Variants in ZNF678 observed in about 807,000 individuals in gnomAD.
ZNF678 encodes hypothetical protein MGC42493.
ZNF678 carries 5 observed loss-of-function variants against 3.0 expected under a neutral mutation model. That is an observed-to-expected ratio of 1.69 (90% CI 0.88 to 3.56). ZNF678 has a LOEUF of 3.56. Among genes scored for constraint, ZNF678 ranks in the 30% most tolerant of loss-of-function variants. The pLI, the probability that ZNF678 is intolerant of heterozygous loss-of-function variation, is 0.00. For missense variants in ZNF678, 593 were observed against 605.0 expected (o/e 0.98, Z 0.21); for synonymous variants, 218 against 199.6 (o/e 1.09, Z -0.78).
chr1:227,586,299 G>T (rs534205217), intron 1 of ZNF678, among the ~76,000 whole-genome samples: 2 of 152,288 alleles, frequency 1.3e-5, no homozygotes, highest in African/African-American at 4.8e-5. Flanking sequence ...ACTGTCTTAG[G>T]AAGCACAGAC....
At chr1:227,674,241 G>A (rs1052068341) in intron 5 of ZNF678, among the ~76,000 whole-genome samples, 1 of 152,208 alleles carries the variant, frequency 6.6e-6, no homozygotes, top group African/African-American at 2.4e-5. Flanking sequence ...TAATTGATAC[G>A]TAAGTAGAGT....
chr1:227,654,721 A>G lies in ZNF678; in HGVS notation c.471A>G (p.Glu157=). ...GAGAGAAACCCTACAAATGTGACGA[A>G]TGTGGCAAAGTTTTTAATTGGTGGT... The part of the protein sequence containing the change: ...HTGEKPYKCD[E]CGKVFNWWSQ... Residue 157 remains glutamate (E), a synonymous_variant, in exon 4 of 4, where the codon GAA becomes GAG. Coordinates refer to ENST00000343776, the MANE Select transcript of ZNF678 (RefSeq NM_001367909.1). 1 of 1,613,232 alleles carries G rather than the reference A, an allele frequency of 6.2e-7. No homozygotes were observed. Among genetic ancestry groups the G allele is most frequent in the Non-Finnish European group, 8.5e-7 (1 of 1,179,418 alleles).
At chr1:227,673,009 T>G (rs1659626057) in intron 5 of ZNF678, among the ~76,000 whole-genome samples, 1 of 152,188 alleles carries the variant, frequency 6.6e-6, no homozygotes, top group Non-Finnish European at 1.5e-5. Flanking sequence ...TCAACTCTTC[T>G]TCCTGCAAGG....
intron 1 of ZNF678, among the ~76,000 whole-genome samples, chr1:227,565,668 C>G (rs1220393737): frequency 1.3e-5 from 2 of 152,236 alleles, no homozygotes; most frequent in African/African-American, 4.8e-5. Context: ...TGCCACTCTG[C>G]TTTTTATCTT....
At chr1:227,662,880 T>G (rs1172904470), downstream of ZNF678, among the ~76,000 whole-genome samples, 3 of 152,220 alleles carry the variant, frequency 2.0e-5, no homozygotes, top group African/African-American at 7.2e-5. Flanking sequence ...TACTATATAT[T>G]ATGGGCTGAA....
chr1:227,591,679 C>T (rs1282712654), intron 1 of ZNF678, among the ~76,000 whole-genome samples: 1 of 152,132 alleles, frequency 6.6e-6, no homozygotes, highest in East Asian at 1.9e-4. Flanking sequence ...TGGGTCATAA[C>T]ACACATCAGG....
At chr1:227,579,696 C>T (rs1231559257) in intron 1 of ZNF678, among the ~76,000 whole-genome samples, 3 of 152,074 alleles carry the variant, frequency 2.0e-5, no homozygotes, top group Non-Finnish European at 4.4e-5. Context: ...AGTGTGGGCC[C>T]CCAGGACACC....
chr1:227,669,574 G>A (rs919635831), intron 5 of ZNF678, among the ~76,000 whole-genome samples: 13 of 151,896 alleles, frequency 8.6e-5, no homozygotes, highest in Non-Finnish European at 1.8e-4. Flanking sequence ...GCGGGAACCC[G>A]GGAGGCGGAG....
chr1:227,598,187 A>G (rs1657643432), intron 1 of ZNF678, among the ~76,000 whole-genome samples: 1 of 152,222 alleles, frequency 6.6e-6, no homozygotes, highest in African/African-American at 2.4e-5. Context: ...GTCTGACTGC[A>G]GAGTATTATC....
chr1:227,584,197 T>A (rs1657203030), intron 1 of ZNF678, among the ~76,000 whole-genome samples: 1 of 152,198 alleles, frequency 6.6e-6, no homozygotes, highest in Non-Finnish European at 1.5e-5. Flanking sequence ...AATTATTTGT[T>A]CATTTGTCAC....
At chr1:227,589,278 T>A (rs1380535012) in intron 1 of ZNF678, among the ~76,000 whole-genome samples, 1 of 151,802 alleles carries the variant, frequency 6.6e-6, no homozygotes, top group Non-Finnish European at 1.5e-5. Context: ...TTTTGGGTTT[T>A]ACAAATGTAA....
chr1:227,599,747 T>C (rs901928398), intron 1 of ZNF678, among the ~76,000 whole-genome samples: 2 of 152,232 alleles, frequency 1.3e-5, no homozygotes, highest in African/African-American at 4.8e-5. Context: ...CGTACATGAA[T>C]GTTGCTTTAA....
chr1:227,667,330 C>T (rs1659520471), downstream of ZNF678, among the ~76,000 whole-genome samples: 1 of 152,108 alleles, frequency 6.6e-6, no homozygotes, highest in Admixed American at 6.5e-5. Flanking sequence ...GACACCACAC[C>T]CCACTGAGAA....
chr1:227,618,490 C>G (rs1658194733), intron 1 of ZNF678, among the ~76,000 whole-genome samples: 1 of 152,208 alleles, frequency 6.6e-6, no homozygotes, highest in African/African-American at 2.4e-5. Context: ...ATCTTATTTT[C>G]TCCCAGGCTG....
chr1:227,671,892 G>T (rs1422750151), intron 5 of ZNF678, among the ~76,000 whole-genome samples: 2 of 152,090 alleles, frequency 1.3e-5, no homozygotes, highest in African/African-American at 4.8e-5. Context: ...TTTTTAAAAT[G>T]TAAAAAAATA....
In ZNF678 at chr1:227,661,147, G is replaced by A. The variant is rs1405741090; in HGVS notation, c.*5319G>A. ...CCAGAAACTTTCAACTGCTTTGTTC[G>A]TTGAATAATGCCAAGTGTCTGGAAA... On this transcript the variant is annotated 3_prime_UTR_variant, in exon 4 of 4. Transcript: ENST00000343776. 4 of 152,098 alleles carry A rather than the reference G, an allele frequency of 2.6e-5. No individual in the cohort carries two copies. The highest frequency in any genetic ancestry group is 2.9e-5 in the Non-Finnish European group (2 of 68,022). The allele number at this position is 152,098 out of a possible 1,614,324, so 9.4% of individuals were successfully genotyped here.
chr1:227,671,415 C>A (rs1381104381), intron 5 of ZNF678, among the ~76,000 whole-genome samples: 1 of 152,110 alleles, frequency 6.6e-6, no homozygotes, highest in Non-Finnish European at 1.5e-5. Context: ...TTTCGTCAGA[C>A]TTATCCATGC....
intron 1 of ZNF678, among the ~76,000 whole-genome samples, chr1:227,630,005 A>G (rs916760102): frequency 2.0e-5 from 3 of 151,890 alleles, no homozygotes; most frequent in African/African-American, 7.3e-5. Context: ...TCTATTATAA[A>G]AAACTGAGTT....
At chr1:227,671,984 A>G (rs918032515) in intron 5 of ZNF678, among the ~76,000 whole-genome samples, 1 of 152,200 alleles carries the variant, frequency 6.6e-6, no homozygotes, top group Non-Finnish European at 1.5e-5. Context: ...ATCTTGAAGG[A>G]TGGGTAAGAT....
Sources: gnomAD v4.1 joint callset for allele counts (sites outside exome capture counted in the v4.1 genomes callset) on GRCh38, gnomAD v4.1.1 for gene constraint, MANE v1.5 for transcripts, NCBI Gene and HGNC (gene_info 2026-07-23, HGNC 2026-07-21) for gene names.